Variants in SNX4 observed in about 807,000 individuals in gnomAD.
The protein encoded by SNX4 is sorting nexin 4, also known as sorting nexin-4.
SNX4 carries 49 observed loss-of-function variants against 70.8 expected under a neutral mutation model. The ratio of observed to expected loss-of-function variants is 0.69; its 90% CI spans 0.55 to 0.88. The LOEUF is 0.88. SNX4 is among the 40% of genes least tolerant of loss of function. The probability of loss-of-function intolerance (pLI) is 0.00; values close to 1 mark genes in which losing one functional copy is unlikely to be tolerated. For missense variants in SNX4, 528 were observed against 544.8 expected, an observed-to-expected ratio of 0.97 and a Z score of 0.31; for synonymous variants, 206 against 183.8, an observed-to-expected ratio of 1.12 and a Z score of -0.98.
chr3:125,503,058 T>C (rs139770530), intron 2 of SNX4, among the ~76,000 whole-genome samples: 7,304 of 151,790 alleles, frequency 0.048, 414 homozygotes, highest in African/African-American at 0.13. Context: ...TAGCTGGGAC[T>C]ACCACACCTG....
At chr3:125,453,217 C>T (rs1376807295) in intron 12 of SNX4, among the ~76,000 whole-genome samples, 1 of 152,130 alleles carries the variant, frequency 6.6e-6, no homozygotes, top group East Asian at 1.9e-4. Context: ...CAGGGATAGT[C>T]ACACAGAACA....
At chr3:125,478,608 GA>G (rs1362600566) in intron 7 of SNX4, among the ~76,000 whole-genome samples, 2 of 151,912 alleles carry the variant, frequency 1.3e-5, no homozygotes, top group Admixed American at 1.3e-4. Flanking sequence ...ATATATGATG[GA>G]AAATGTCATT....
intron 2 of SNX4, 66 bp from the exon 3 acceptor site, chr3:125,498,260 C>T: frequency 7.4e-7 from 1 of 1,353,160 alleles, no homozygotes; most frequent in Non-Finnish European, 1.0e-6. Context: ...TAAATACAAT[C>T]ACCTTTAAAA....
intron 1 of SNX4, among the ~76,000 whole-genome samples, chr3:125,505,419 T>C (rs1437405558): frequency 6.6e-6 from 1 of 152,156 alleles, no homozygotes; most frequent in Non-Finnish European, 1.5e-5. Flanking sequence ...ATGTAAGTAT[T>C]TGGGAACTCT....
intron 9 of SNX4, among the ~76,000 whole-genome samples, chr3:125,464,272 A>G (rs1933952947): frequency 6.6e-6 from 1 of 152,168 alleles, no homozygotes; most frequent in Non-Finnish European, 1.5e-5. Flanking sequence ...ATTGGTCATC[A>G]AAATTTAAAC....
intron 6 of SNX4, among the ~76,000 whole-genome samples, chr3:125,481,802 G>A (rs1579991800): frequency 6.6e-6 from 1 of 152,176 alleles, no homozygotes; most frequent in South Asian, 2.1e-4. Context: ...CAAGGTCCTC[G>A]TGGGACTCAG....
intron 8 of SNX4, 79 bp downstream of exon 8, chr3:125,476,616 C>T (rs1451052492): frequency 3.5e-6 from 3 of 867,314 alleles, no homozygotes; most frequent in Non-Finnish European, 5.8e-6. Context: ...TCTCCACACT[C>T]ATAAATGTTC....
chr3:125,471,677 C>T (rs1448768029), intron 8 of SNX4, among the ~76,000 whole-genome samples: 1 of 152,188 alleles, frequency 6.6e-6, no homozygotes, highest in African/African-American at 2.4e-5. Context: ...CTCCTCACTG[C>T]TTTCATCAGC....
chr3:125,477,277 T>A (rs1288851545), intron 7 of SNX4, among the ~76,000 whole-genome samples: 1 of 152,218 alleles, frequency 6.6e-6, no homozygotes, highest in African/African-American at 2.4e-5. Flanking sequence ...TATAGTTTTA[T>A]ATATAAATGC....
intron 2 of SNX4, among the ~76,000 whole-genome samples, chr3:125,501,607 G>A (rs1156617849): frequency 6.7e-6 from 1 of 149,920 alleles, no homozygotes; most frequent in Non-Finnish European, 1.5e-5. Flanking sequence ...GTGACAGAGC[G>A]AGACTCCACC....
chr3:125,476,345 G>A (rs915420271), intron 8 of SNX4, among the ~76,000 whole-genome samples: 13 of 151,250 alleles, frequency 8.6e-5, no homozygotes, highest in African/African-American at 3.2e-4. Flanking sequence ...GCCTAGGCAG[G>A]CAGATCACTT....
Position 125,502,853 on chromosome 3 carries a change from C to CAA in SNX4, c.263+1768_263+1769dup, listed in dbSNP as rs376503388. Among the ~76,000 whole-genome samples the CAA allele has an allele frequency of 1.4e-3, 120 of 86,476 alleles. 1 individual carries two copies. The highest frequency in any genetic ancestry group is 4.6e-3 in the East Asian group (13 of 2,812). The allele number at this position is 86,476 out of a possible 152,430, so 56.7% of individuals were successfully genotyped here. A position where few individuals can be genotyped will look rare whatever the true frequency, so the allele number is the denominator to read the frequency against. On this transcript the variant is annotated intron_variant, in intron 2 of 13. Transcript: ENST00000251775. ...TGGGTGACAGAGTGAGACTCCATCTCAAAAAAAAAAAAAAAAAAGTATTAA... is the reference window on the plus strand; with the variant it reads ...TGGGTGACAGAGTGAGACTCCATCTCAAAAAAAAAAAAAAAAAAAAGTATTAA...
At chr3:125,448,865 TG>T (rs905092761) in intron 13 of SNX4, among the ~76,000 whole-genome samples, 2 of 151,558 alleles carry the variant, frequency 1.3e-5, no homozygotes, top group African/African-American at 4.8e-5. Context: ...TTAGTAGAGA[TG>T]AGATTTCACC....
At chr3:125,451,688 G>A (rs9839657) in intron 12 of SNX4, among the ~76,000 whole-genome samples, 2,693 of 151,918 alleles carry the variant, frequency 0.018, 74 homozygotes, top group African/African-American at 0.06. Context: ...GTGTAGTGGC[G>A]TGATCTTGGC....
At chr3:125,459,838 A>T (rs1489311393) in intron 10 of SNX4, among the ~76,000 whole-genome samples, 1 of 148,898 alleles carries the variant, frequency 6.7e-6, no homozygotes, top group Non-Finnish European at 1.5e-5. Context: ...ATGATTTCAC[A>T]CCAATCACCA....
At position 125,446,782 on chromosome 3, in the gene SNX4, G is replaced by A. The variant is rs560198002; in HGVS notation, c.*997C>T. The A allele has an allele frequency of 2.0e-5, 3 of 152,330 alleles. 1 individual carries two copies. In the South Asian group the frequency reaches 6.2e-4, roughly 32 times the overall value. The allele number at this position is 152,330 out of a possible 1,614,324, so 9.4% of individuals were successfully genotyped here. ...TTTTTTTTACATCATTAGAAATAAC[G>A]AGTACACATTTTAAGATTCTGCAAA... On this transcript the variant is annotated 3_prime_UTR_variant, in exon 14 of 14. Transcript: ENST00000251775.
At chr3:125,496,110 T>C (rs1322753375) in intron 5 of SNX4, among the ~76,000 whole-genome samples, 1 of 152,076 alleles carries the variant, frequency 6.6e-6, no homozygotes, top group African/African-American at 2.4e-5. Flanking sequence ...GGCAACATAG[T>C]GAGACCTCAT....
intron 2 of SNX4, among the ~76,000 whole-genome samples, chr3:125,503,185 G>T (rs1369705427): frequency 6.6e-6 from 1 of 152,120 alleles, no homozygotes; most frequent in African/African-American, 2.4e-5. Flanking sequence ...GAGATTACAG[G>T]CATGAGCCAC....
At chr3:125,491,016 G>A (rs932591140) in intron 5 of SNX4, among the ~76,000 whole-genome samples, 1 of 151,990 alleles carries the variant, frequency 6.6e-6, no homozygotes, top group Admixed American at 6.5e-5. Flanking sequence ...ACTTGGCTAA[G>A]AAAATAAAAA....
Sources: allele counts gnomAD v4.1 joint callset (sites outside exome capture counted in the v4.1 genomes callset), GRCh38; gene constraint gnomAD v4.1.1; transcripts MANE v1.5; gene names NCBI Gene and HGNC (gene_info 2026-07-23, HGNC 2026-07-21).